The following SPIDR variants were observed in gnomAD, a reference collection of about 807,000 sequenced individuals.
SPIDR encodes DNA repair-scaffolding protein.
In SPIDR, 93 loss-of-function variants were observed where a neutral mutation model predicts 104.6. That is an observed-to-expected ratio of 0.89 (90% CI 0.75 to 1.06). The LOEUF (loss-of-function observed/expected upper bound fraction) is 1.06. Among genes scored for constraint, SPIDR ranks in the 50% least tolerant of loss-of-function variants. SPIDR has a pLI of 0.00. For missense variants in SPIDR, 1,154 were observed against 1,111.2 expected, an observed-to-expected ratio of 1.04 and a Z score of -0.55; for synonymous variants, 431 against 416.9, an observed-to-expected ratio of 1.03 and a Z score of -0.41.
At position 47,727,104 on chromosome 8, in the gene SPIDR, C is replaced by T. The variant is rs1563678505; in HGVS notation, c.2342-96C>T. The T allele has an allele frequency of 1.4e-5, 14 of 973,908 alleles. No homozygotes were observed. In the South Asian group the frequency reaches 1.6e-4, roughly 11 times the overall value. The allele number at this position is 973,908 out of a possible 1,614,324, so 60.3% of individuals were successfully genotyped here. A position where few individuals can be genotyped will look rare whatever the true frequency, so the allele number is the denominator to read the frequency against. On this transcript the variant is annotated intron_variant, in intron 16 of 19. Transcript: ENST00000297423. ...AAACTCCCAAGTAAGGCAAAAATCACGAGGCCCCTCATGTTGTCCTCTGCA... is the reference window on the plus strand; with the variant it reads ...AAACTCCCAAGTAAGGCAAAAATCATGAGGCCCCTCATGTTGTCCTCTGCA...
chr8:47,626,785 T>C (rs1240207105), intron 10 of SPIDR, among the ~76,000 whole-genome samples: 4 of 152,202 alleles, frequency 2.6e-5, no homozygotes, highest in Non-Finnish European at 5.9e-5. Flanking sequence ...TTTACACTGT[T>C]GGTGGGACTG....
intron 5 of SPIDR, among the ~76,000 whole-genome samples, chr8:47,353,458 C>T (rs2053947507): frequency 6.6e-6 from 1 of 152,118 alleles, no homozygotes; most frequent in African/African-American, 2.4e-5. Context: ...AATATGCAAG[C>T]TTAGGTTGCT....
chr8:47,547,716 C>A, intron 8 of SPIDR: 1 of 163,258 alleles, frequency 6.1e-6, no homozygotes, highest in Non-Finnish European at 1.4e-5. Context: ...CAGGCATGAG[C>A]TGCCACGGTG....
At chr8:47,552,661 T>C (rs986123974) in intron 8 of SPIDR, among the ~76,000 whole-genome samples, 1 of 152,316 alleles carries the variant, frequency 6.6e-6, no homozygotes, top group African/African-American at 2.4e-5. Context: ...TGTCTCTGCA[T>C]GTGAGATGGG....
intron 5 of SPIDR, among the ~76,000 whole-genome samples, chr8:47,337,488 T>C (rs2049979369): frequency 6.6e-6 from 1 of 152,168 alleles, no homozygotes; most frequent in Non-Finnish European, 1.5e-5. Context: ...GGTGTACAAG[T>C]CTTTTTTTTT....
At chr8:47,681,219 T>G (rs2077058335) in intron 11 of SPIDR, among the ~76,000 whole-genome samples, 1 of 152,228 alleles carries the variant, frequency 6.6e-6, no homozygotes, top group Non-Finnish European at 1.5e-5. Context: ...GTTTTTTTCT[T>G]TCTGCCAAAT....
At chr8:47,339,873 G>A (rs1167330750) in intron 5 of SPIDR, among the ~76,000 whole-genome samples, 2 of 151,748 alleles carry the variant, frequency 1.3e-5, no homozygotes, top group Non-Finnish European at 2.9e-5. Context: ...TATAGACGGG[G>A]TTTCACTATG....
chr8:47,627,778 T>G (rs1046554943), intron 10 of SPIDR, among the ~76,000 whole-genome samples: 3 of 152,180 alleles, frequency 2.0e-5, no homozygotes, highest in African/African-American at 4.8e-5. Context: ...ACCCGCCGGT[T>G]CATTCACTGA....
chr8:47,284,652 G>A (rs2038466974), intron 3 of SPIDR, among the ~76,000 whole-genome samples: 1 of 152,146 alleles, frequency 6.6e-6, no homozygotes, highest in Non-Finnish European at 1.5e-5. Flanking sequence ...TGGTTCTCAT[G>A]GTCAGGAGGT....
intron 8 of SPIDR, among the ~76,000 whole-genome samples, chr8:47,466,908 T>C (rs1337648655): frequency 1.6e-5 from 2 of 123,188 alleles, no homozygotes; most frequent in Non-Finnish European, 1.6e-5. Flanking sequence ...AAAATATATA[T>C]ATATATAGAT....
intron 8 of SPIDR, among the ~76,000 whole-genome samples, chr8:47,519,278 G>A (rs951016557): frequency 6.6e-6 from 1 of 152,150 alleles, no homozygotes; most frequent in Admixed American, 6.5e-5. Flanking sequence ...CTGAGTAGCT[G>A]GGATTACAGG....
chr8:47,541,596 A>G (rs1389040465), intron 8 of SPIDR, among the ~76,000 whole-genome samples: 1 of 152,048 alleles, frequency 6.6e-6, no homozygotes, highest in Non-Finnish European at 1.5e-5. Flanking sequence ...GTAATTATCA[A>G]TTATTAGAAG....
At chr8:47,291,275 A>C (rs1026920634) in intron 4 of SPIDR, 138 bp downstream of exon 4, 62 of 540,908 alleles carry the variant, frequency 1.1e-4, no homozygotes, top group Non-Finnish European at 1.7e-4. Flanking sequence ...TATTGGAAGA[A>C]ACTTACATTC....
At chr8:47,298,902 T>G (rs1293749437) in intron 5 of SPIDR, among the ~76,000 whole-genome samples, 2 of 152,240 alleles carry the variant, frequency 1.3e-5, no homozygotes, top group African/African-American at 4.8e-5. Flanking sequence ...CCTCCAGCTT[T>G]GTTCTTATGG....
rs1422343003 is a variant in SPIDR, at chr8:47,500,249, A to G, written c.1097+59707A>G. On this transcript the variant is annotated intron_variant, in intron 8 of 19. Coordinates refer to ENST00000297423, the MANE Select transcript of SPIDR (RefSeq NM_001080394.4). ...TTCCACAATGGTTGAACTAGTTTAC[A>G]GTCCCACCAACAGTGTAAAAGTGTT... 2.0e-5 allele frequency among the ~76,000 whole-genome samples: 3 copies of G among 152,212 alleles called. No individual in the cohort carries two copies. In the East Asian group the frequency reaches 5.8e-4, roughly 29 times the overall value.
At chr8:47,428,166 T>TA (rs1191008537) in intron 7 of SPIDR, among the ~76,000 whole-genome samples, 1 of 152,216 alleles carries the variant, frequency 6.6e-6, no homozygotes, top group African/African-American at 2.4e-5. Flanking sequence ...TCAAGTGATC[T>TA]ATCTGCCTTG....
chr8:47,491,560 A>T (rs1425001473), intron 8 of SPIDR, among the ~76,000 whole-genome samples: 1 of 152,078 alleles, frequency 6.6e-6, no homozygotes, highest in African/African-American at 2.4e-5. Flanking sequence ...CAGAGCAGCT[A>T]CCTGAGGTAG....
chr8:47,280,258 TTTGGAGACAGA>T (rs1554557487), intron 2 of SPIDR, among the ~76,000 whole-genome samples: 1 of 151,902 alleles, frequency 6.6e-6, no homozygotes, highest in Admixed American at 6.6e-5. Context: ...ATTTATTTTT[TTTGGAGACAGA>T]GTCTCACTTT....
intron 11 of SPIDR, among the ~76,000 whole-genome samples, chr8:47,692,674 C>G (rs1397769004): frequency 1.3e-5 from 2 of 151,734 alleles, no homozygotes; most frequent in African/African-American, 4.8e-5. Context: ...ATTCGAACTC[C>G]TGACCTCCGG....
Sources: allele counts gnomAD v4.1 joint callset (sites outside exome capture counted in the v4.1 genomes callset), GRCh38; gene constraint gnomAD v4.1.1; transcripts MANE v1.5; gene names NCBI Gene and HGNC (gene_info 2026-07-23, HGNC 2026-07-21).